The following GPC5 variants were observed in gnomAD, a reference collection of about 807,000 sequenced individuals.
The protein encoded by GPC5 is glypican 5, also known as glypican-5.
In GPC5, 47 loss-of-function variants were observed where a neutral mutation model predicts 53.9. The ratio of observed to expected loss-of-function variants is 0.87; its 90% CI spans 0.69 to 1.11. The LOEUF is 1.11. GPC5 is among the 50% of genes most tolerant of loss of function. The probability of loss-of-function intolerance (pLI) is 0.00; values close to 1 mark genes in which losing one functional copy is unlikely to be tolerated. For synonymous variants in GPC5, 286 were observed against 263.3 expected (o/e 1.09, Z -0.84); for missense variants, 748 against 713.1 (o/e 1.05, Z -0.56).
chr13:91,560,754 A>AT (rs34174470), intron 2 of GPC5, among the ~76,000 whole-genome samples: 11 of 151,244 alleles, frequency 7.3e-5, no homozygotes, highest in South Asian at 2.1e-4. Context: ...TATTAATGTG[A>AT]TTTTTTTTAG....
intron 7 of GPC5, chr13:92,659,023 G>A (rs1886242459): frequency 7.1e-6 from 1 of 141,434 alleles, no homozygotes; most frequent in Middle Eastern, 3.4e-3. Context: ...CCGCCTCCCG[G>A]GTTCACGCCA....
intron 5 of GPC5, among the ~76,000 whole-genome samples, chr13:91,879,178 G>A (rs1037956901): frequency 2.0e-5 from 3 of 152,030 alleles, no homozygotes; most frequent in Non-Finnish European, 4.4e-5. Context: ...TGGGATACAT[G>A]TGCGGACGTG....
At chr13:91,924,730 G>A (rs2139022265) in intron 6 of GPC5, among the ~76,000 whole-genome samples, 2 of 151,962 alleles carry the variant, frequency 1.3e-5, no homozygotes, top group Admixed American at 1.3e-4. Flanking sequence ...GACATAGTGA[G>A]ATCTTGTATC....
chr13:92,222,577 T>A (rs1330425257), intron 7 of GPC5, among the ~76,000 whole-genome samples: 1 of 152,190 alleles, frequency 6.6e-6, no homozygotes, highest in Admixed American at 6.6e-5. Context: ...CTGTTGTATT[T>A]TTTCTTGCCA....
At chr13:91,814,557 T>C (rs2038370393) in intron 5 of GPC5, among the ~76,000 whole-genome samples, 1 of 143,718 alleles carries the variant, frequency 7.0e-6, no homozygotes, top group African/African-American at 2.6e-5. Flanking sequence ...TTATTTATTT[T>C]GAGACAGAGT....
chr13:92,633,368 CAAA>C (rs35244755), intron 7 of GPC5, among the ~76,000 whole-genome samples: 1 of 149,180 alleles, frequency 6.7e-6, no homozygotes, highest in African/African-American at 2.5e-5. Context: ...TTATCTGAGT[CAAA>C]AAAAAAAGAT....
At chr13:92,669,675 C>T (rs181245814) in intron 7 of GPC5, among the ~76,000 whole-genome samples, 30 of 152,250 alleles carry the variant, frequency 2.0e-4, no homozygotes, top group Middle Eastern at 6.8e-3. Flanking sequence ...TTTCTGCTAC[C>T]CAGGCATTTG....
chr13:91,720,603 A>G (rs1228322661), intron 3 of GPC5, among the ~76,000 whole-genome samples: 2 of 151,996 alleles, frequency 1.3e-5, no homozygotes, highest in East Asian at 3.9e-4. Context: ...TGAAAACCAC[A>G]TTTTTGTACC....
At chr13:91,802,538 C>A (rs2038152807) in intron 5 of GPC5, among the ~76,000 whole-genome samples, 1 of 152,128 alleles carries the variant, frequency 6.6e-6, no homozygotes, top group Non-Finnish European at 1.5e-5. Flanking sequence ...CTTGGGTGGC[C>A]AGCTTTTATT....
At chr13:92,391,614 A>G (rs1875006901) in intron 7 of GPC5, among the ~76,000 whole-genome samples, 1 of 152,164 alleles carries the variant, frequency 6.6e-6, no homozygotes, top group African/African-American at 2.4e-5. Context: ...TTTATTTGCT[A>G]CTAGCATGAT....
intron 1 of GPC5, among the ~76,000 whole-genome samples, chr13:91,425,975 C>G (rs117302107): frequency 0.025 from 3,733 of 152,246 alleles, 70 homozygotes; most frequent in Middle Eastern, 0.054. Context: ...AAAGGTCACT[C>G]TTGCTATGCT....
chr13:91,911,585 A>G (rs1334497035), intron 6 of GPC5, among the ~76,000 whole-genome samples: 1 of 152,152 alleles, frequency 6.6e-6, no homozygotes, highest in East Asian at 1.9e-4. Context: ...AAATCAATAA[A>G]TAAAAACTGC....
chr13:92,685,654 T>C (rs1233906340), intron 7 of GPC5, among the ~76,000 whole-genome samples: 1 of 122,984 alleles, frequency 8.1e-6, no homozygotes, highest in Non-Finnish European at 1.6e-5. Flanking sequence ...GCTGGTGCGC[T>C]GCACCCACTA....
chr13:92,746,904 T>C (rs1366640573), intron 7 of GPC5, among the ~76,000 whole-genome samples: 3 of 152,142 alleles, frequency 2.0e-5, no homozygotes, highest in Non-Finnish European at 4.4e-5. Context: ...AGAGTGTACT[T>C]ACACAAACCT....
chr13:91,690,160 A>G (rs2035726318), intron 2 of GPC5, among the ~76,000 whole-genome samples: 1 of 152,196 alleles, frequency 6.6e-6, no homozygotes, highest in Non-Finnish European at 1.5e-5. Flanking sequence ...AAACATCATT[A>G]CAAGGCACAT....
intron 7 of GPC5, among the ~76,000 whole-genome samples, chr13:92,411,086 C>T (rs193077671): frequency 7.6e-4 from 115 of 152,020 alleles, no homozygotes; most frequent in Non-Finnish European, 1.4e-3. Context: ...AACAAACAAA[C>T]AAACAAAAAA....
intron 2 of GPC5, among the ~76,000 whole-genome samples, chr13:91,687,383 A>T (rs186412987): frequency 5.9e-5 from 9 of 152,166 alleles, no homozygotes; most frequent in Non-Finnish European, 5.9e-5. Flanking sequence ...TCTAAAAGGA[A>T]TGTGGGCTGG....
intron 7 of GPC5, among the ~76,000 whole-genome samples, chr13:92,655,629 C>A (rs1285723487): frequency 6.6e-6 from 1 of 152,186 alleles, no homozygotes; most frequent in Non-Finnish European, 1.5e-5. Flanking sequence ...GCGTGAGCCA[C>A]CGCACCTGTT....
At chr13:92,702,494 G>GATGA (rs1887785623) in intron 7 of GPC5, among the ~76,000 whole-genome samples, 1 of 151,806 alleles carries the variant, frequency 6.6e-6, no homozygotes, top group South Asian at 2.1e-4. Context: ...AAAAATCTTG[G>GATGA]ATGAATCCTT....
Sources: allele counts gnomAD v4.1 joint callset (sites outside exome capture counted in the v4.1 genomes callset), GRCh38; gene constraint gnomAD v4.1.1; transcripts MANE v1.5; gene names NCBI Gene and HGNC (gene_info 2026-07-23, HGNC 2026-07-21).